FES: variants seen among roughly 807,000 people sequenced by gnomAD.
FES encodes the protein tyrosine-protein kinase Fes/Fps.
Under a neutral mutation model 109.6 loss-of-function variants are expected in FES, and 83 were observed. That is an observed-to-expected ratio of 0.76 (90% CI 0.63 to 0.91). The LOEUF (loss-of-function observed/expected upper bound fraction) is 0.91. FES is among the 40% of genes least tolerant of loss of function. The pLI is 0.00. For synonymous variants in FES, 458 were observed against 442.1 expected (o/e 1.04, Z -0.45); for missense variants, 943 against 1,070.9 (o/e 0.88, Z 1.67).
chr15:90,885,320 G>A, intron 2 of FES, 62 bp downstream of exon 2: 1 of 1,598,276 alleles, frequency 6.3e-7, no homozygotes, highest in African/African-American at 1.3e-5. Flanking sequence ...CCTCTCCTGG[G>A]GGCCCTCTGG....
At position 90,895,397 on chromosome 15, in the gene FES, G is replaced by C; in HGVS notation, c.2327-19G>C. 1 of 1,509,250 alleles carries C rather than the reference G, an allele frequency of 6.6e-7. No individual in the cohort carries two copies. Among genetic ancestry groups the C allele is most frequent in the Non-Finnish European group, 8.9e-7 (1 of 1,124,960 alleles). The allele number at this position is 1,509,250 out of a possible 1,614,324, so 93.5% of individuals were successfully genotyped here. ...CAAACTCCCTCCTCATGCCTGGTGT[G>C]CTGTGCCTCTCCTCACAGGGGGCCG... is the stretch of plus-strand genomic sequence containing the variant. On this transcript the variant is annotated intron_variant, in intron 18 of 18. Coordinates refer to ENST00000328850, the MANE Select transcript of FES (RefSeq NM_002005.4).
chr15:90,886,441 G>A (rs892926315), intron 3 of FES, among the ~76,000 whole-genome samples: 8 of 152,222 alleles, frequency 5.3e-5, no homozygotes, highest in African/African-American at 1.2e-4. Flanking sequence ...TACAGATGGG[G>A]AAACTGAGGT....
intron 13 of FES, chr15:90,892,432 C>T: frequency 6.9e-6 from 4 of 579,110 alleles, no homozygotes; most frequent in Non-Finnish European, 1.2e-5. Context: ...AAGTCACTGT[C>T]CTAAAAATCA....
chr15:90,889,167 G>T lies in FES; in HGVS notation c.669-139G>T, dbSNP rs1196538534. The T allele has an allele frequency of 4.8e-6, 5 of 1,033,410 alleles. No individual in the cohort carries two copies. In the African/African-American group the frequency reaches 6.4e-5, roughly 13 times the overall value. 64.0% of individuals were successfully genotyped at this position (1,033,410 alleles called of 1,614,324 possible). A position where few individuals can be genotyped will look rare whatever the true frequency, so the allele number is the denominator to read the frequency against. On this transcript the variant is annotated intron_variant, in intron 5 of 18. Transcript: ENST00000328850. This position sits in a 1 kb window ranked among gnomAD's most constrained non-coding sequence, Gnocchi z 6.1. Reference sequence around the variant, plus strand: ...AGATTAGGGAGAGGTTAAATAATTTGCCTAGAGTGGCATGGCTAGCTCGAA... The same window carrying T: ...AGATTAGGGAGAGGTTAAATAATTTTCCTAGAGTGGCATGGCTAGCTCGAA...
In FES at chr15:90,890,433, G is replaced by T; in HGVS notation, c.1269G>T (p.Thr423=). The change falls in exon 10 of 19, where the codon ACG becomes ACT. Residue 423 remains threonine (T), a synonymous_variant. Transcript: ENST00000328850. ...AGCGAGAGGGGGGAAGGACACCCACGCTGGAGATCCTTAAGAGCCACATCT... is the reference window on the plus strand; with the variant it reads ...AGCGAGAGGGGGGAAGGACACCCACTCTGGAGATCCTTAAGAGCCACATCT... The part of the protein sequence containing the change: ...EQEREGGRTP[T]LEILKSHISG... 1 of 1,613,078 alleles carries T rather than the reference G, an allele frequency of 6.2e-7. No individual in the cohort carries two copies. The highest frequency in any genetic ancestry group is 8.5e-7 in the Non-Finnish European group (1 of 1,179,888).
chr15:90,889,089 C>T lies in FES; in HGVS notation c.669-217C>T. 1.6e-6 allele frequency: 1 copy of T among 608,088 alleles called. No individual in the cohort carries two copies. Among genetic ancestry groups the T allele is most frequent in the Non-Finnish European group, 2.8e-6 (1 of 356,164 alleles). 37.7% of individuals were successfully genotyped at this position (608,088 alleles called of 1,614,324 possible). On this transcript the variant is annotated intron_variant, in intron 5 of 18. Coordinates refer to ENST00000328850, the MANE Select transcript of FES (RefSeq NM_002005.4). This position sits in a 1 kb window ranked among gnomAD's most constrained non-coding sequence, Gnocchi z 6.1. The stretch of plus-strand genomic sequence containing the variant: ...GGCGTGAGCCACTGTGCCTGGCCCA[C>T]TGGATCCTTATTACAACTGCCAGTG...
intron 18 of FES, 68 bp from the exon 19 acceptor site, chr15:90,895,348 C>T (rs531603171): frequency 5.2e-6 from 7 of 1,357,154 alleles, no homozygotes; most frequent in Non-Finnish European, 6.8e-6. Context: ...CTCATGGTAT[C>T]CCCCAGAGTC....
Position 90,893,799 on chromosome 15 carries a change from G to A in FES, c.2191G>A (p.Ala731Thr), listed in dbSNP as rs748403565. 2 of 1,595,950 alleles carry A rather than the reference G, an allele frequency of 1.3e-6. No individual in the cohort carries two copies. The highest frequency in any genetic ancestry group is 1.1e-5 in the South Asian group (1 of 89,092). Reference sequence around the variant, plus strand: ...CCCCGTGAAGTGGACCGCACCTGAGGCCCTTAACTACGGTACCTAGTCCCT... The same window carrying A: ...CCCCGTGAAGTGGACCGCACCTGAGACCCTTAACTACGGTACCTAGTCCCT... ...QVPVKWTAPE[A>T]LNYGRYSSES... The change falls in exon 17 of 19, where the codon GCC (alanine) becomes ACC (threonine). Residue 731 changes from alanine (A) to threonine (T), a missense_variant. Physicochemically the swap from Ala to Thr is moderately conservative, Grantham distance 58. Coordinates refer to ENST00000328850, the MANE Select transcript of FES (RefSeq NM_002005.4).
In FES at chr15:90,895,510, C is replaced by T; in HGVS notation, c.2421C>T (p.Phe807=). The T allele has an allele frequency of 1.2e-6, 2 of 1,600,652 alleles. No individual in the cohort carries two copies. The highest frequency in any genetic ancestry group is 1.7e-6 in the Non-Finnish European group (2 of 1,172,930). ...ATGAGCCTGGGCAGCGGCCCAGCTT[C>T]AGCACCATCTACCAGGAGCTGCAGA... The part of the protein sequence containing the change: ...WAYEPGQRPS[F]STIYQELQSI... The change falls in exon 19 of 19, where the codon TTC becomes TTT. Residue 807 remains phenylalanine, a synonymous_variant. Transcript: ENST00000328850.
intron 13 of FES, 122 bp downstream of exon 13, chr15:90,892,233 C>T: frequency 1.9e-6 from 2 of 1,028,364 alleles, no homozygotes; most frequent in Non-Finnish European, 3.0e-6. Flanking sequence ...TACCCCGACT[C>T]CCTGCCCAGC....
chr15:90,890,374 C>T (rs1160446327), intron 9 of FES, 27 bp from the exon 10 acceptor site: 3 of 1,609,744 alleles, frequency 1.9e-6, no homozygotes, highest in South Asian at 2.2e-5. Context: ...AGCCTGGCCA[C>T]CCGCTGACGT....
Position 90,887,171 on chromosome 15 carries a change from G to C in FES, c.485-16G>C. 6.2e-7 allele frequency: 1 copy of C among 1,612,300 alleles called. No homozygotes were observed. Among genetic ancestry groups the C allele is most frequent in the Non-Finnish European group, 8.5e-7 (1 of 1,178,782 alleles). ...CTCCATGCTGTCATCTATACCCCTT[G>C]CCCCCCTTCTGGCAGACAAGGACCG... On this transcript the variant is annotated splice_polypyrimidine_tract_variant and intron_variant, in intron 4 of 18. Transcript: ENST00000328850.
chr15:90,891,359 T>A (rs969398537), intron 11 of FES, 168 bp downstream of exon 11: 3 of 1,051,760 alleles, frequency 2.9e-6, no homozygotes, highest in Non-Finnish European at 4.2e-6. Flanking sequence ...TGCAACAAAA[T>A]AGAGGCTTAA....
intron 18 of FES, 93 bp downstream of exon 18, chr15:90,894,151 A>C: frequency 6.9e-7 from 1 of 1,439,542 alleles, no homozygotes; most frequent in Non-Finnish European, 9.5e-7. Context: ...CAACCTTCCC[A>C]CCAGGCAGAA....
chr15:90,891,614 CTG>C lies in FES; in HGVS notation c.1592_1593del (p.Leu531GlnfsTer28). The C allele has an allele frequency of 6.2e-7, 1 of 1,614,060 alleles. No individual in the cohort carries two copies. The highest frequency in any genetic ancestry group is 2.2e-5 in the East Asian group (1 of 44,884). On this transcript the variant is annotated frameshift_variant, in exon 12 of 19. Transcript: ENST00000328850. LOFTEE classifies it high-confidence loss of function. ...PSIPLLIDHL[L>X]STQQPLTKKS... Reference sequence around the variant, plus strand: ...CATTCCTTTGCTCATCGACCACCTACTGAGCACCCAGCAGCCCCTCACCAAGA... The same window carrying C: ...CATTCCTTTGCTCATCGACCACCTACAGCACCCAGCAGCCCCTCACCAAGA...
intron 10 of FES, 78 bp from the exon 11 acceptor site, chr15:90,890,904 G>A: frequency 7.2e-7 from 1 of 1,382,324 alleles, no homozygotes; most frequent in Non-Finnish European, 9.9e-7. Flanking sequence ...ATAGGGGGGA[G>A]AGAGAGACCC....
chr15:90,888,433 CTG>C (rs1457241403), intron 5 of FES, among the ~76,000 whole-genome samples: 1 of 152,206 alleles, frequency 6.6e-6, no homozygotes, highest in Non-Finnish European at 1.5e-5. Flanking sequence ...TAAGGCCACT[CTG>C]GCTGCTGTGC....
Position 90,895,611 on chromosome 15 carries a change from C to A in FES, c.*53C>A, listed in dbSNP as rs1460672130. ...GCCTCTGCAGGCCTAGGTGCAGCTC[C>A]TCAGCGGCTCCAGCTCATATGCTGA... is the stretch of plus-strand genomic sequence containing the variant. On this transcript the variant is annotated 3_prime_UTR_variant, in exon 19 of 19. Coordinates refer to ENST00000328850, the MANE Select transcript of FES (RefSeq NM_002005.4). 5.5e-6 allele frequency: 8 copies of A among 1,458,834 alleles called. No individual in the cohort carries two copies. Among genetic ancestry groups the A allele is most frequent in the Non-Finnish European group, 6.4e-6 (7 of 1,097,146 alleles). The allele number at this position is 1,458,834 out of a possible 1,614,324, so 90.4% of individuals were successfully genotyped here.
chr15:90,884,505 A>C lies in FES; in HGVS notation c.-49A>C, dbSNP rs2032342270. ...CTGGCCGGGGTCCGCACCGGGCCTG[A>C]GTCGGTCCGAGGCCGTCCCAGGAGC... On this transcript the variant is annotated 5_prime_UTR_variant, in exon 1 of 19. Transcript: ENST00000328850. 6.5e-6 allele frequency: 1 copy of C among 152,714 alleles called. No individual in the cohort carries two copies. The highest frequency in any genetic ancestry group is 2.4e-5 in the African/African-American group (1 of 41,414). The allele number at this position is 152,714 out of a possible 1,614,324, so 9.5% of individuals were successfully genotyped here.
Sources: gnomAD v4.1 joint callset for allele counts (sites outside exome capture counted in the v4.1 genomes callset) on GRCh38, gnomAD v4.1.1 for gene constraint, Gnocchi (gnomAD v3.1) non-coding constraint, MANE v1.5 for transcripts, NCBI Gene and HGNC (gene_info 2026-07-23, HGNC 2026-07-21) for gene names.